C7orf33: variants seen among roughly 807,000 people sequenced by gnomAD.
C7orf33 encodes chromosome 7 open reading frame 33, also known as uncharacterized protein C7orf33.
In C7orf33, 15 loss-of-function variants were observed where a neutral mutation model predicts 13.4. The observed-to-expected ratio is 1.12, with a 90% CI of 0.75 to 1.72. The LOEUF (loss-of-function observed/expected upper bound fraction) is 1.72. C7orf33 is among the 40% of genes most tolerant of loss of function. The pLI, the probability that C7orf33 is intolerant of heterozygous loss-of-function variation, is 0.00. For synonymous variants in C7orf33, 73 were observed against 83.2 expected, an observed-to-expected ratio of 0.88 and a Z score of 0.67; for missense variants, 187 against 220.3, an observed-to-expected ratio of 0.85 and a Z score of 0.96.
At chr7:148,598,645 CCTCT>C in intron 1 of C7orf33, among the ~76,000 whole-genome samples, 1 of 142,162 alleles carries the variant, frequency 7.0e-6, no homozygotes, top group East Asian at 2.0e-4. Flanking sequence ...ATTCTCTCTC[CCTCT>C]CTCTCTCTAT....
rs1296020356 is a variant in C7orf33 at position 148,611,138 on chromosome 7, A to G, written c.205-2904A>G. On this transcript the variant is annotated intron_variant, in intron 1 of 2. Transcript: ENST00000307003. ...TAGCAAAAGCTATGGCTTTCCCCAA[A>G]CAGCCCTTCCCCATAACTAGTGACA... 3.3e-5 allele frequency among the ~76,000 whole-genome samples: 5 copies of G among 152,082 alleles called. No homozygotes were observed. In the South Asian group the frequency reaches 6.2e-4, roughly 19 times the overall value.
At chr7:148,592,302 C>A (rs1420273639) in intron 1 of C7orf33, among the ~76,000 whole-genome samples, 1 of 152,084 alleles carries the variant, frequency 6.6e-6, no homozygotes, top group Non-Finnish European at 1.5e-5. Flanking sequence ...CAGGGAAAGC[C>A]CATTTAGCAT....
intron 1 of C7orf33, among the ~76,000 whole-genome samples, chr7:148,610,446 C>T (rs1198852281): frequency 8.5e-5 from 13 of 152,186 alleles, no homozygotes; most frequent in Admixed American, 8.5e-4. Flanking sequence ...TGCCCTTGAA[C>T]ATCAGACTCC....
chr7:148,609,741 T>A (rs560735123), intron 1 of C7orf33, among the ~76,000 whole-genome samples: 155 of 152,278 alleles, frequency 1.0e-3, no homozygotes, highest in Non-Finnish European at 2.0e-3. Flanking sequence ...ATATTATCCT[T>A]AAATTATTTC....
intron 1 of C7orf33, among the ~76,000 whole-genome samples, chr7:148,595,637 A>G (rs1429177113): frequency 1.2e-5 from 1 of 85,978 alleles, no homozygotes; most frequent in African/African-American, 1.1e-4. Flanking sequence ...ATACATCTAT[A>G]TTATATAGAT....
rs749685922 is a variant in C7orf33, at chr7:148,590,878, C to T, written c.-48C>T. ...TTGATCTTAGATATTGGTGGTGAAG[C>T]GCCGCTCTCCTTGACAGCATCCAGG... On this transcript the variant is annotated 5_prime_UTR_variant, in exon 1 of 3. Transcript: ENST00000307003. 19 of 1,540,352 alleles carry T rather than the reference C, an allele frequency of 1.2e-5. No individual in the cohort carries two copies. The highest frequency in any genetic ancestry group is 1.6e-5 in the Non-Finnish European group (18 of 1,113,914).
chr7:148,592,109 C>T (rs1796277495), intron 1 of C7orf33, among the ~76,000 whole-genome samples: 2 of 152,188 alleles, frequency 1.3e-5, no homozygotes, highest in Admixed American at 6.5e-5. Flanking sequence ...CTCATTGTGG[C>T]ACAGTGCCCC....
At chr7:148,603,359 C>A (rs902425229) in intron 1 of C7orf33, among the ~76,000 whole-genome samples, 2 of 152,078 alleles carry the variant, frequency 1.3e-5, no homozygotes, top group Non-Finnish European at 2.9e-5. Flanking sequence ...GAGCTCGAGA[C>A]CAGCCTGGCC....
At chr7:148,606,385 G>A (rs1184487170) in intron 1 of C7orf33, among the ~76,000 whole-genome samples, 1 of 152,162 alleles carries the variant, frequency 6.6e-6, no homozygotes, top group South Asian at 2.1e-4. Flanking sequence ...CACCTCTGGA[G>A]ATGCTGGGTC....
At chr7:148,596,515 A>G (rs1796341436) in intron 1 of C7orf33, among the ~76,000 whole-genome samples, 1 of 152,176 alleles carries the variant, frequency 6.6e-6, no homozygotes, top group Admixed American at 6.5e-5. Context: ...GAAGGCAAGG[A>G]GGAGCAAATC....
chr7:148,598,790 A>C (rs1796380258), intron 1 of C7orf33, among the ~76,000 whole-genome samples: 1 of 141,390 alleles, frequency 7.1e-6, no homozygotes, highest in Non-Finnish European at 1.5e-5. Context: ...AGAGAGAGAG[A>C]GAGAGAGAGA....
chr7:148,602,313 G>C (rs936205904), intron 1 of C7orf33, among the ~76,000 whole-genome samples: 1 of 151,924 alleles, frequency 6.6e-6, no homozygotes, highest in Non-Finnish European at 1.5e-5. Flanking sequence ...AATAAGTTAA[G>C]GGTGGGTCAC....
chr7:148,602,812 A>G (rs1454555488), intron 1 of C7orf33, among the ~76,000 whole-genome samples: 1 of 152,264 alleles, frequency 6.6e-6, no homozygotes, highest in Admixed American at 6.5e-5. Flanking sequence ...TATTAATTTT[A>G]ACATTTATCG....
intron 1 of C7orf33, among the ~76,000 whole-genome samples, chr7:148,606,928 A>AT (rs1796478607): frequency 7.6e-6 from 1 of 130,882 alleles, no homozygotes; most frequent in African/African-American, 2.9e-5. Context: ...CATTTAAAAA[A>AT]AAAATACACA....
At chr7:148,603,205 T>C (rs764374171) in intron 1 of C7orf33, among the ~76,000 whole-genome samples, 7 of 152,008 alleles carry the variant, frequency 4.6e-5, no homozygotes, top group Admixed American at 1.3e-4. Context: ...AAATAAAACA[T>C]CACACCCAGA....
intron 1 of C7orf33, among the ~76,000 whole-genome samples, chr7:148,594,481 C>G (rs1796306848): frequency 6.6e-6 from 1 of 152,106 alleles, no homozygotes; most frequent in South Asian, 2.1e-4. Flanking sequence ...CGACCAACCT[C>G]TTTTCTTTAT....
intron 1 of C7orf33, among the ~76,000 whole-genome samples, chr7:148,596,476 A>C (rs930211438): frequency 2.0e-5 from 3 of 152,216 alleles, no homozygotes; most frequent in Non-Finnish European, 4.4e-5. Context: ...ACAGTTCCAC[A>C]TGGCTGGGGA....
intron 1 of C7orf33, among the ~76,000 whole-genome samples, chr7:148,591,396 A>G (rs1398668000): frequency 6.6e-6 from 1 of 152,188 alleles, no homozygotes. Flanking sequence ...GAAAAATTCC[A>G]GCGTAAAAAT....
chr7:148,598,725 G>GATAT (rs1161811167), intron 1 of C7orf33, among the ~76,000 whole-genome samples: 43 of 24,380 alleles, frequency 1.8e-3, no homozygotes, highest in Admixed American at 3.6e-3. Flanking sequence ...TTCATTCCTG[G>GATAT]ATATATATAT....
Sources: gnomAD v4.1 joint callset for allele counts (sites outside exome capture counted in the v4.1 genomes callset) on GRCh38, gnomAD v4.1.1 for gene constraint, MANE v1.5 for transcripts, NCBI Gene and HGNC (gene_info 2026-07-23, HGNC 2026-07-21) for gene names.